LRRTM3: variants seen among roughly 807,000 people sequenced by gnomAD.
LRRTM3 encodes leucine-rich repeat transmembrane neuronal protein 3.
LRRTM3 carries 24 observed loss-of-function variants against 44.7 expected under a neutral mutation model. The observed-to-expected ratio is 0.54, with a 90% CI of 0.39 to 0.76. The LOEUF is 0.76. LRRTM3 is among the 30% of genes least tolerant of loss of function. LRRTM3 has a pLI of 0.00. For synonymous variants in LRRTM3, 277 were observed against 278.7 expected, an observed-to-expected ratio of 0.99 and a Z score of 0.06; for missense variants, 587 against 702.2, an observed-to-expected ratio of 0.84 and a Z score of 1.85.
chr10:66,938,321 A>G (rs1374511176), intron 2 of LRRTM3, among the ~76,000 whole-genome samples: 1 of 152,074 alleles, frequency 6.6e-6, no homozygotes, highest in Admixed American at 6.6e-5. Context: ...ATAATATTTT[A>G]CTCCCCCAGA....
intron 2 of LRRTM3, among the ~76,000 whole-genome samples, chr10:66,962,422 T>TA (rs1198776183): frequency 6.6e-6 from 1 of 151,614 alleles, no homozygotes; most frequent in Non-Finnish European, 1.5e-5. Flanking sequence ...GTTTTTGTTT[T>TA]TTTTTTGAGA....
chr10:66,940,164 G>T (rs984798424), intron 2 of LRRTM3, among the ~76,000 whole-genome samples: 1 of 152,064 alleles, frequency 6.6e-6, no homozygotes, highest in African/African-American at 2.4e-5. Flanking sequence ...GATGGAAAAC[G>T]TTGTTCTGAA....
At chr10:66,996,456 G>C (rs1448681815) in intron 2 of LRRTM3, among the ~76,000 whole-genome samples, 5 of 151,938 alleles carry the variant, frequency 3.3e-5, no homozygotes, top group Non-Finnish European at 5.9e-5. Context: ...GACCAGGCTG[G>C]GCAATATGGT....
At chr10:67,074,622 T>A (rs1349074751) in intron 2 of LRRTM3, among the ~76,000 whole-genome samples, 1 of 152,156 alleles carries the variant, frequency 6.6e-6, no homozygotes, top group African/African-American at 2.4e-5. Context: ...AGTGCTGGGA[T>A]TACAGGCGTG....
intron 2 of LRRTM3, among the ~76,000 whole-genome samples, chr10:66,937,487 T>C (rs1256603467): frequency 6.6e-6 from 1 of 152,192 alleles, no homozygotes; most frequent in Non-Finnish European, 1.5e-5. Flanking sequence ...AGTACCACAA[T>C]GCGCTTTGAA....
At chr10:66,965,293 T>G (rs1849339274) in intron 2 of LRRTM3, among the ~76,000 whole-genome samples, 1 of 152,044 alleles carries the variant, frequency 6.6e-6, no homozygotes, top group African/African-American at 2.4e-5. Context: ...TCTCAACACT[T>G]TGGGAGGCTA....
At chr10:66,978,541 A>ATAAAAGAAAAATAAAAAAAAT (rs1437563245) in intron 2 of LRRTM3, among the ~76,000 whole-genome samples, 1 of 111,194 alleles carries the variant, frequency 9.0e-6, no homozygotes, top group Non-Finnish European at 1.9e-5. Context: ...AAAAAAAAAA[A>ATAAAAGAAAAATAAAAAAAAT]AAAAAAAAAA....
intron 2 of LRRTM3, among the ~76,000 whole-genome samples, chr10:66,958,984 A>C (rs1848980539): frequency 6.6e-6 from 1 of 152,094 alleles, no homozygotes. Context: ...GTGTAAATGA[A>C]TTATCTCCTC....
At chr10:66,958,231 G>T (rs986162281) in intron 2 of LRRTM3, among the ~76,000 whole-genome samples, 7 of 141,548 alleles carry the variant, frequency 4.9e-5, no homozygotes, top group African/African-American at 7.9e-5. Flanking sequence ...TGATTTATTT[G>T]AAACAGGAAG....
intron 2 of LRRTM3, among the ~76,000 whole-genome samples, chr10:67,066,425 T>C (rs147801890): frequency 0.013 from 2,001 of 151,686 alleles, 45 homozygotes; most frequent in African/African-American, 0.046. Context: ...TCTCTTGACC[T>C]CGTGATCCGC....
At chr10:67,044,172 C>G (rs1854582919) in intron 2 of LRRTM3, among the ~76,000 whole-genome samples, 1 of 151,990 alleles carries the variant, frequency 6.6e-6, no homozygotes, top group Admixed American at 6.6e-5. Context: ...CTAGCTCTCA[C>G]TTATAAGTGA....
At chr10:67,021,559 A>G (rs1853017524) in intron 2 of LRRTM3, among the ~76,000 whole-genome samples, 1 of 152,156 alleles carries the variant, frequency 6.6e-6, no homozygotes, top group Admixed American at 6.5e-5. Context: ...GTTGCTATGT[A>G]GCTATCAAAA....
In LRRTM3 at chr10:67,024,814, C is replaced by T. The variant is rs77872646; in HGVS notation, c.1537-72773C>T. 7.7e-3 allele frequency among the ~76,000 whole-genome samples: 1,176 copies of T among 152,086 alleles called. 40 individuals carry two copies. The East Asian group carries it at 0.11, about 14-fold the overall frequency. The stretch of plus-strand genomic sequence containing the variant: ...TAACTTGCTCAAAAGTTATTTATAA[C>T]CAATATTAATGAATTTTAAAAGAAA... On this transcript the variant is annotated intron_variant, in intron 2 of 2. Coordinates refer to ENST00000361320, the MANE Select transcript of LRRTM3 (RefSeq NM_178011.5).
intron 2 of LRRTM3, among the ~76,000 whole-genome samples, chr10:66,970,671 T>C (rs1218547453): frequency 6.6e-6 from 1 of 152,150 alleles, no homozygotes; most frequent in Non-Finnish European, 1.5e-5. Flanking sequence ...TGCATCTACA[T>C]AATGACACTA....
chr10:66,976,251 T>C (rs767580534), intron 2 of LRRTM3, among the ~76,000 whole-genome samples: 10 of 152,148 alleles, frequency 6.6e-5, no homozygotes, highest in Admixed American at 5.2e-4. Flanking sequence ...AACATAGAAA[T>C]GGAATGGCGG....
intron 2 of LRRTM3, among the ~76,000 whole-genome samples, chr10:66,949,191 C>T (rs1848416154): frequency 6.6e-6 from 1 of 152,096 alleles, no homozygotes; most frequent in South Asian, 2.1e-4. Flanking sequence ...ATATATTTTG[C>T]CAAATCAATA....
chr10:66,927,761 G>A lies in LRRTM3; in HGVS notation c.845G>A (p.Arg282His). 1.2e-6 allele frequency: 2 copies of A among 1,614,150 alleles called. No homozygotes were observed. Among genetic ancestry groups the A allele is most frequent in the Non-Finnish European group, 1.7e-6 (2 of 1,180,032 alleles). The change falls in exon 2 of 3, where the codon CGC becomes CAC. Residue 282 changes from arginine (R) to histidine (H), a missense_variant. This residue lies in a region of LRRTM3 where 222 missense variants were observed against 323.3 expected (regional missense o/e 0.69). Coordinates refer to ENST00000361320, the MANE Select transcript of LRRTM3 (RefSeq NM_178011.5). The surrounding 1 kb of genome is among the most constrained non-coding windows in gnomAD (Gnocchi z 4.7). ...TTCCAGTGTGTCCCGAATCTGCAGC[G>A]CCTCAACCTGGATTCCAACAAGCTC... ...SVFQCVPNLQ[R>H]LNLDSNKLTF...
chr10:67,012,761 G>A (rs1021112330), intron 2 of LRRTM3, among the ~76,000 whole-genome samples: 1 of 151,952 alleles, frequency 6.6e-6, no homozygotes, highest in Non-Finnish European at 1.5e-5. Context: ...TCTGTAAAAT[G>A]ATCAAGATTT....
At chr10:66,954,294 CTT>C (rs1177851278) in intron 2 of LRRTM3, among the ~76,000 whole-genome samples, 2 of 152,204 alleles carry the variant, frequency 1.3e-5, no homozygotes, top group South Asian at 2.1e-4. Context: ...ATATTTGAAA[CTT>C]ATCTTAAATT....
Sources: allele counts gnomAD v4.1 joint callset (sites outside exome capture counted in the v4.1 genomes callset), GRCh38; gene constraint gnomAD v4.1.1; regional missense constraint gnomAD v4.1.1; non-coding constraint Gnocchi (gnomAD v3.1); transcripts MANE v1.5; gene names NCBI Gene and HGNC (gene_info 2026-07-23, HGNC 2026-07-21).